The following RAB31 variants were observed in gnomAD, a reference collection of about 807,000 sequenced individuals.
RAB31 encodes the protein ras-related protein Rab-31.
In RAB31, 21 loss-of-function variants were observed where a neutral mutation model predicts 25.6. That is an observed-to-expected ratio of 0.82 (90% CI 0.58 to 1.18). The LOEUF is 1.18. Ranked by LOEUF, RAB31 falls within the 50% of genes most tolerant of loss-of-function variation. The probability of loss-of-function intolerance (pLI) is 0.00; values close to 1 mark genes in which losing one functional copy is unlikely to be tolerated. For synonymous variants in RAB31, 87 were observed against 84.0 expected (o/e 1.04, Z -0.20); for missense variants, 196 against 250.1 (o/e 0.78, Z 1.46).
chr18:9,749,139 G>A (rs1417545632), intron 1 of RAB31, among the ~76,000 whole-genome samples: 1 of 152,084 alleles, frequency 6.6e-6, no homozygotes, highest in East Asian at 1.9e-4. Context: ...GATATACCTT[G>A]AAGCCTTTTC....
intron 6 of RAB31, chr18:9,856,335 G>A (rs756842512): frequency 6.6e-6 from 1 of 152,190 alleles, no homozygotes; most frequent in Non-Finnish European, 1.5e-5. Flanking sequence ...GAGGAAGGAG[G>A]TGGCGGAAAG....
intron 1 of RAB31, among the ~76,000 whole-genome samples, chr18:9,742,484 C>T (rs2068184875): frequency 6.6e-6 from 1 of 152,234 alleles, no homozygotes; most frequent in Non-Finnish European, 1.5e-5. Flanking sequence ...GGCTGCTTGG[C>T]TCGGCCTGTT....
chr18:9,817,842 A>G (rs545329149), intron 5 of RAB31, among the ~76,000 whole-genome samples: 1 of 152,196 alleles, frequency 6.6e-6, no homozygotes, highest in African/African-American at 2.4e-5. Flanking sequence ...AACATAATCT[A>G]TTCATCTCAC....
At chr18:9,778,414 C>T (rs887561387) in intron 2 of RAB31, among the ~76,000 whole-genome samples, 6 of 152,196 alleles carry the variant, frequency 3.9e-5, no homozygotes, top group Non-Finnish European at 5.9e-5. Context: ...TTGAACAACT[C>T]GGGGATTAAG....
intron 2 of RAB31, among the ~76,000 whole-genome samples, chr18:9,786,124 C>CA (rs898825480): frequency 2.1e-5 from 3 of 143,650 alleles, no homozygotes; most frequent in South Asian, 2.2e-4. Context: ...AAGCCTCTGT[C>CA]AAAAAAAGGA....
At chr18:9,794,583 G>T (rs752523691) in intron 3 of RAB31, among the ~76,000 whole-genome samples, 1 of 152,212 alleles carries the variant, frequency 6.6e-6, no homozygotes, top group Non-Finnish European at 1.5e-5. Context: ...TTGGGAGGCT[G>T]AGATGAGTGG....
intron 5 of RAB31, among the ~76,000 whole-genome samples, chr18:9,824,434 G>GAGTGTGTGTAGATGTGTGTGTATT (rs2068640062): frequency 6.6e-6 from 1 of 150,684 alleles, no homozygotes; most frequent in Non-Finnish European, 1.5e-5. Context: ...GTGTGTGTAT[G>GAGTGTGTGTAGATGTGTGTGTATT]AGTGTGTGTG....
At chr18:9,753,139 G>A (rs1266868914) in intron 1 of RAB31, among the ~76,000 whole-genome samples, 2 of 152,170 alleles carry the variant, frequency 1.3e-5, no homozygotes, top group Non-Finnish European at 2.9e-5. Flanking sequence ...AACCAAAGTT[G>A]CTCAATTATA....
At chr18:9,794,222 T>A (rs544966589) in intron 3 of RAB31, among the ~76,000 whole-genome samples, 18 of 152,334 alleles carry the variant, frequency 1.2e-4, no homozygotes, top group Non-Finnish European at 2.2e-4. Flanking sequence ...CTGTTTATTG[T>A]CTTTCTAAAA....
chr18:9,857,686 T>TAGATAGATGATAGATA (rs1555693032), intron 6 of RAB31, among the ~76,000 whole-genome samples: 4 of 114,086 alleles, frequency 3.5e-5, no homozygotes, highest in Admixed American at 8.8e-5. Context: ...GATAGATAGA[T>TAGATAGATGATAGATA]GATAGATAGA....
intron 1 of RAB31, among the ~76,000 whole-genome samples, chr18:9,733,397 C>T (rs748616064): frequency 2.6e-5 from 4 of 152,192 alleles, no homozygotes; most frequent in Non-Finnish European, 5.9e-5. Flanking sequence ...CGACCCCTGA[C>T]TGCAGTGTGG....
chr18:9,816,242 T>G (rs962962871), intron 5 of RAB31: 1 of 184,010 alleles, frequency 5.4e-6, no homozygotes, highest in Non-Finnish European at 1.2e-5. Flanking sequence ...TGGTAGTCAA[T>G]GTGGCATTGA....
Position 9,716,829 on chromosome 18 carries a change from C to T in RAB31, c.39+8385C>T, listed in dbSNP as rs541169752. 4.6e-5 allele frequency among the ~76,000 whole-genome samples: 7 copies of T among 152,230 alleles called. No individual in the cohort carries two copies. In the East Asian group the frequency reaches 7.7e-4, roughly 17 times the overall value. The stretch of plus-strand genomic sequence containing the variant: ...GTGTGATCATAACTCATTATAGCCT[C>T]GAACTCCTGGGCTCAAGTGATCCTC... On this transcript the variant is annotated intron_variant, in intron 1 of 6. Coordinates refer to ENST00000578921, the MANE Select transcript of RAB31 (RefSeq NM_006868.4).
intron 1 of RAB31, among the ~76,000 whole-genome samples, chr18:9,748,866 G>T (rs1482722787): frequency 2.0e-5 from 3 of 151,662 alleles, no homozygotes; most frequent in Non-Finnish European, 4.4e-5. Context: ...ACTCCAGCCT[G>T]GGCGACAGAG....
At chr18:9,824,890 G>A (rs1017226527) in intron 5 of RAB31, among the ~76,000 whole-genome samples, 6 of 152,212 alleles carry the variant, frequency 3.9e-5, no homozygotes, top group Non-Finnish European at 8.8e-5. Context: ...TTTGAGGCAT[G>A]AAAGCAAAGT....
At chr18:9,748,497 C>T (rs2068216827) in intron 1 of RAB31, among the ~76,000 whole-genome samples, 1 of 151,936 alleles carries the variant, frequency 6.6e-6, no homozygotes, top group Non-Finnish European at 1.5e-5. Context: ...CAGAGCAAGA[C>T]CCTGTCTCAA....
In RAB31 at chr18:9,712,234, G is replaced by T. The variant is rs546964809; in HGVS notation, c.39+3790G>T. Reference sequence around the variant, plus strand: ...TTCTTGGAAAACCAAGGACTGAAGAGCGTTGGGTTTGTTTAGGTTACCTGT... The same window carrying T: ...TTCTTGGAAAACCAAGGACTGAAGATCGTTGGGTTTGTTTAGGTTACCTGT... On this transcript the variant is annotated intron_variant, in intron 1 of 6. Coordinates refer to ENST00000578921, the MANE Select transcript of RAB31 (RefSeq NM_006868.4). Among the ~76,000 whole-genome samples the T allele has an allele frequency of 3.3e-5, 5 of 152,378 alleles. No individual in the cohort carries two copies. The South Asian group carries it at 1.0e-3, about 32-fold the overall frequency.
chr18:9,804,754 C>T (rs1165940126), intron 3 of RAB31, among the ~76,000 whole-genome samples: 3 of 152,066 alleles, frequency 2.0e-5, no homozygotes, highest in Admixed American at 6.6e-5. Flanking sequence ...GCAGTGAGCA[C>T]GGACCTGTGG....
At chr18:9,814,949 T>G (rs2068593408) in intron 4 of RAB31, among the ~76,000 whole-genome samples, 167 bp from the exon 5 acceptor site, 3 of 152,246 alleles carry the variant, frequency 2.0e-5, no homozygotes, top group Non-Finnish European at 4.4e-5. Flanking sequence ...TTTAAGTATA[T>G]TTCAGCTAAC....
Sources: gnomAD v4.1 joint callset for allele counts (sites outside exome capture counted in the v4.1 genomes callset) on GRCh38, gnomAD v4.1.1 for gene constraint, MANE v1.5 for transcripts, NCBI Gene and HGNC (gene_info 2026-07-23, HGNC 2026-07-21) for gene names.